Variants in RFX6 observed in about 807,000 individuals in gnomAD.
RFX6 encodes DNA-binding protein RFX6.
In RFX6, 50 loss-of-function variants were observed where a neutral mutation model predicts 110.8. The ratio of observed to expected loss-of-function variants is 0.45; its 90% CI spans 0.36 to 0.57. The LOEUF is 0.57. RFX6 is among the 20% of genes least tolerant of loss of function. The pLI is 0.00. For missense variants in RFX6, 990 were observed against 1,127.0 expected (o/e 0.88, Z 1.74); for synonymous variants, 383 against 411.2 (o/e 0.93, Z 0.83).
Position 116,925,648 on chromosome 6 carries a change from T to C in RFX6, c.1874T>C (p.Met625Thr). The change falls in exon 16 of 19, where the codon ATG (methionine) becomes ACG (threonine). Residue 625 changes from methionine to threonine, a missense_variant. By Grantham distance (81) the Met-to-Thr change is moderately conservative (BLOSUM62 -1). Around this residue, in one of 5 missense-constraint regions of RFX6, gnomAD observed 438 missense variants for 441.9 expected, o/e 0.99. Transcript: ENST00000332958. ...HQFPAGNTDN[M>T]PLTGQMELSQ... is the part of the protein sequence containing the mutation. ...TTCCCTGCTGGGAACACAGACAACA[T>C]GCCGCTCACAGGTACGCTAAAGAGA... The C allele has an allele frequency of 6.2e-7, 1 of 1,612,990 alleles. No individual in the cohort carries two copies. Among genetic ancestry groups the C allele is most frequent in the Non-Finnish European group, 8.5e-7 (1 of 1,179,038 alleles).
At chr6:116,902,385 AAAAC>A (rs770080290) in intron 6 of RFX6, among the ~76,000 whole-genome samples, 9 of 152,042 alleles carry the variant, frequency 5.9e-5, no homozygotes, top group Admixed American at 1.3e-4. Flanking sequence ...AAAAACAACA[AAAAC>A]AAAATAAAAA....
chr6:116,927,621 C>T (rs1775775266), intron 17 of RFX6, 82 bp downstream of exon 17: 1 of 1,106,712 alleles, frequency 9.0e-7, no homozygotes, highest in Admixed American at 1.8e-5. Flanking sequence ...CCTCTGCTGA[C>T]TAGCATGTCC....
At chr6:116,895,661 C>CAT (rs1774929397) in intron 6 of RFX6, among the ~76,000 whole-genome samples, 1 of 151,862 alleles carries the variant, frequency 6.6e-6, no homozygotes, top group African/African-American at 2.4e-5. Context: ...CACACACACA[C>CAT]ACACACACAC....
At chr6:116,910,830 G>C (rs943716209) in intron 6 of RFX6, 105 bp from the exon 7 acceptor site, 1 of 839,216 alleles carries the variant, frequency 1.2e-6, no homozygotes, top group Non-Finnish European at 2.1e-6. Flanking sequence ...ATGGTTTGCA[G>C]GATGAAGAAG....
intron 1 of RFX6, 59 bp downstream of exon 1, chr6:116,877,557 C>A: frequency 7.8e-7 from 1 of 1,288,128 alleles, no homozygotes. Flanking sequence ...CTAAGAAGGG[C>A]ACCCAATAAT....
Position 116,918,996 on chromosome 6 carries a change from A to C in RFX6, c.1023-141A>C. 3 of 711,942 alleles carry C rather than the reference A, an allele frequency of 4.2e-6. No individual in the cohort carries two copies. In the South Asian group the frequency reaches 5.2e-5, roughly 12 times the overall value. The allele number at this position is 711,942 out of a possible 1,614,324, so 44.1% of individuals were successfully genotyped here. A position where few individuals can be genotyped will look rare whatever the true frequency, so the allele number is the denominator to read the frequency against. On this transcript the variant is annotated intron_variant, in intron 10 of 18. Transcript: ENST00000332958. ...TTTTAAAAATATAGCATAAGAAAAG[A>C]TGATAAATGGCAGATCTAGGCTGTC...
rs1775897049 is a variant in RFX6 at position 116,932,021 on chromosome 6, A to T, written c.*515A>T. The T allele has an allele frequency of 1.3e-5, 2 of 155,854 alleles. No homozygotes were observed. The allele number at this position is 155,854 out of a possible 1,614,324, so 9.7% of individuals were successfully genotyped here. ...ATTCAGACAAGACCAAAGTTGCTTG[A>T]CTTCAATTCCTGTGCATTAGTGTGA... On this transcript the variant is annotated 3_prime_UTR_variant, in exon 19 of 19. Transcript: ENST00000332958.
intron 4 of RFX6, among the ~76,000 whole-genome samples, chr6:116,889,673 T>C (rs969655364): frequency 2.6e-5 from 4 of 152,092 alleles, no homozygotes; most frequent in Non-Finnish European, 4.4e-5. Context: ...CTGATAGTAA[T>C]AGTCAAGTTT....
At chr6:116,905,478 A>T (rs1317890487) in intron 6 of RFX6, among the ~76,000 whole-genome samples, 1 of 151,932 alleles carries the variant, frequency 6.6e-6, no homozygotes, top group African/African-American at 2.4e-5. Context: ...ATTTTCTCTC[A>T]TTCCATACAT....
At chr6:116,892,070 T>C (rs1393018589) in intron 4 of RFX6, among the ~76,000 whole-genome samples, 1 of 152,226 alleles carries the variant, frequency 6.6e-6, no homozygotes, top group African/African-American at 2.4e-5. Flanking sequence ...ATAAAATATC[T>C]TCATTTACCT....
At chr6:116,915,973 G>A (rs747665830) in intron 7 of RFX6, 35 bp from the exon 8 acceptor site, 1 of 1,403,350 alleles carries the variant, frequency 7.1e-7, no homozygotes, top group Non-Finnish European at 1.0e-6. Context: ...GTGTTAAAAG[G>A]ATGCTTTGGT....
At chr6:116,930,469 G>T (rs1562150761) in intron 18 of RFX6, among the ~76,000 whole-genome samples, 1 of 152,124 alleles carries the variant, frequency 6.6e-6, no homozygotes, top group East Asian at 1.9e-4. Context: ...CTAGTAGAGG[G>T]ACAGTAAGGC....
chr6:116,914,021 T>A (rs1330615962), intron 7 of RFX6, among the ~76,000 whole-genome samples: 1 of 152,194 alleles, frequency 6.6e-6, no homozygotes, highest in African/African-American at 2.4e-5. Context: ...CAACACCAGA[T>A]CTTATTTCTT....
intron 4 of RFX6, 37 bp from the exon 5 acceptor site, chr6:116,893,950 T>C (rs989581490): frequency 1.6e-6 from 2 of 1,241,430 alleles, no homozygotes; most frequent in African/African-American, 3.0e-5. Flanking sequence ...AAAAATCTCC[T>C]TCACTAACAC....
chr6:116,929,667 C>G (rs979552429), intron 18 of RFX6, among the ~76,000 whole-genome samples: 1 of 152,120 alleles, frequency 6.6e-6, no homozygotes, highest in South Asian at 2.1e-4. Context: ...GATTTAGTCA[C>G]TATAGATTTA....
intron 13 of RFX6, among the ~76,000 whole-genome samples, chr6:116,922,479 G>C (rs369020319): frequency 6.6e-6 from 1 of 152,066 alleles, no homozygotes; most frequent in African/African-American, 2.4e-5. Flanking sequence ...GATCTGGCCC[G>C]TTTCTAAAAA....
Position 116,916,031 on chromosome 6 carries a change from CA to C in RFX6, c.808del (p.Thr270LeufsTer74). 6.2e-7 allele frequency: 1 copy of C among 1,611,466 alleles called. No individual in the cohort carries two copies. On this transcript the variant is annotated frameshift_variant, in exon 8 of 19. Coordinates refer to ENST00000332958, the MANE Select transcript of RFX6 (RefSeq NM_173560.4). LOFTEE classifies it high-confidence loss of function. ...DKVDTLIMMY[K>X]THCQCILDNA... ...AGGTTGATACGCTCATAATGATGTA[CA>C]AAACTCACTGCCAGTGTATCCTGGA...
At chr6:116,896,597 CA>C (rs5879391) in intron 6 of RFX6, among the ~76,000 whole-genome samples, 125,147 of 152,098 alleles carry the variant, frequency 0.82, 51,686 homozygotes, top group East Asian at 0.89. Context: ...CCCAGCTACT[CA>C]AGGAGGCTGA....
At position 116,916,085 on chromosome 6, in the gene RFX6, G is replaced by C; in HGVS notation, c.858G>C (p.Glu286Asp). ...LDNAINGNFE[E>D]IQHFLLHFWQ... The stretch of plus-strand genomic sequence containing the variant: ...ATGCAATTAATGGAAACTTTGAAGA[G>C]GTAAGAATGACAAAGAATGCTTTAT... The change falls in exon 8 of 19, where the codon GAG (glutamate) becomes GAC (aspartate). Residue 286 changes from glutamate (E) to aspartate (D), a missense_variant and splice_region_variant. Glu to Asp is a conservative substitution (Grantham distance 45, BLOSUM62 2). Around this residue, in one of 5 missense-constraint regions of RFX6, gnomAD observed 243 missense variants for 353.1 expected, o/e 0.69. Coordinates refer to ENST00000332958, the MANE Select transcript of RFX6 (RefSeq NM_173560.4). 1 of 1,602,846 alleles carries C rather than the reference G, an allele frequency of 6.2e-7. No homozygotes were observed. Among genetic ancestry groups the C allele is most frequent in the Non-Finnish European group, 8.5e-7 (1 of 1,170,230 alleles).
Sources: gnomAD v4.1 joint callset for allele counts (sites outside exome capture counted in the v4.1 genomes callset) on GRCh38, gnomAD v4.1.1 for gene constraint, gnomAD v4.1.1 regional missense constraint, MANE v1.5 for transcripts, NCBI Gene and HGNC (gene_info 2026-07-23, HGNC 2026-07-21) for gene names.